SHC3: variants seen among roughly 807,000 people sequenced by gnomAD.
SHC3 encodes the protein SHC-transforming protein 3.
SHC3 carries 15 observed loss-of-function variants against 60.4 expected under a neutral mutation model. The observed-to-expected ratio is 0.25, with a 90% CI of 0.17 to 0.38. SHC3 has a LOEUF of 0.38. Among genes scored for constraint, SHC3 ranks in the 10% least tolerant of loss-of-function variants. SHC3 has a pLI of 1.00. For synonymous variants in SHC3, 294 were observed against 325.9 expected (o/e 0.90, Z 1.05); for missense variants, 677 against 786.1 (o/e 0.86, Z 1.66).
intron 2 of SHC3, chr9:89,109,515 G>C: frequency 1.0e-6 from 1 of 985,514 alleles, no homozygotes; most frequent in Non-Finnish European, 1.2e-6. Flanking sequence ...TTTATAGAAT[G>C]TTGGAAGCCA....
chr9:89,021,788 G>A (rs575639776), intron 11 of SHC3, among the ~76,000 whole-genome samples: 13 of 152,228 alleles, frequency 8.5e-5, no homozygotes, highest in Middle Eastern at 3.4e-3. Context: ...CCTCTAAGAC[G>A]TTTCTTTTTT....
chr9:89,167,533 C>T (rs1449328085), intron 1 of SHC3, among the ~76,000 whole-genome samples: 1 of 152,180 alleles, frequency 6.6e-6, no homozygotes, highest in African/African-American at 2.4e-5. Flanking sequence ...GAATCAGGGG[C>T]ACCTGCCAGG....
intron 9 of SHC3, among the ~76,000 whole-genome samples, chr9:89,044,138 G>A (rs1418793552): frequency 4.6e-5 from 7 of 152,188 alleles, no homozygotes; most frequent in Non-Finnish European, 4.4e-5. Flanking sequence ...ATATCTAAGG[G>A]AAATAATGTG....
chr9:89,057,021 T>C (rs1824963457), intron 6 of SHC3, among the ~76,000 whole-genome samples: 2 of 152,244 alleles, frequency 1.3e-5, no homozygotes, highest in African/African-American at 4.8e-5. Context: ...CAGTGGCTGC[T>C]GATCCAGACA....
chr9:89,055,587 C>A (rs1438415976), intron 6 of SHC3, among the ~76,000 whole-genome samples: 1 of 152,216 alleles, frequency 6.6e-6, no homozygotes, highest in Non-Finnish European at 1.5e-5. Flanking sequence ...CAAGGCCTTT[C>A]CCACAATCTG....
intron 1 of SHC3, among the ~76,000 whole-genome samples, chr9:89,138,783 C>G (rs1234521832): frequency 3.3e-5 from 5 of 152,110 alleles, no homozygotes; most frequent in African/African-American, 1.2e-4. Context: ...TCTTCTGTAA[C>G]TTCTTCAGGA....
intron 11 of SHC3, among the ~76,000 whole-genome samples, chr9:89,027,931 G>A (rs1401364929): frequency 6.6e-6 from 1 of 152,184 alleles, no homozygotes; most frequent in Non-Finnish European, 1.5e-5. Flanking sequence ...AACTGAGCCT[G>A]CAGCTCCCGC....
At chr9:89,123,684 T>C (rs1179301988) in intron 1 of SHC3, among the ~76,000 whole-genome samples, 2 of 152,154 alleles carry the variant, frequency 1.3e-5, no homozygotes, top group East Asian at 3.9e-4. Flanking sequence ...CTATACATCA[T>C]TCCGTCCTCC....
At chr9:89,127,798 A>G (rs1307529810) in intron 1 of SHC3, among the ~76,000 whole-genome samples, 1 of 150,618 alleles carries the variant, frequency 6.6e-6, no homozygotes, top group Non-Finnish European at 1.5e-5. Flanking sequence ...CACCACTGAG[A>G]AATAAAACTC....
At chr9:89,170,486 A>G (rs922847833) in intron 1 of SHC3, among the ~76,000 whole-genome samples, 12 of 152,328 alleles carry the variant, frequency 7.9e-5, no homozygotes, top group Admixed American at 3.3e-4. Flanking sequence ...TCTCTACAAA[A>G]AGTAAAACAA....
Position 89,027,327 on chromosome 9 carries a change from A to ATTTTTTTTTTTTTTTTTTTTTTTTTT in SHC3, c.1656+10665_1656+10666insAAAAAAAAAAAAAAAAAAAAAAAAAA, listed in dbSNP as rs540788767. Among the ~76,000 whole-genome samples the ATTTTTTTTTTTTTTTTTTTTTTTTTT allele has an allele frequency of 1.5e-5, 2 of 130,350 alleles. 1 individual carries two copies. Among genetic ancestry groups the ATTTTTTTTTTTTTTTTTTTTTTTTTT allele is most frequent in the Non-Finnish European group, 3.2e-5 (2 of 62,606 alleles). 85.5% of individuals were successfully genotyped at this position (130,350 alleles called of 152,430 possible). On this transcript the variant is annotated intron_variant, in intron 11 of 11. Coordinates refer to ENST00000375835, the MANE Select transcript of SHC3 (RefSeq NM_016848.6). ...ACAACTAGTGATGGGTGAAATTCTG[A>ATTTTTTTTTTTTTTTTTTTTTTTTTT]TTTTTTTTTTTTGAGACTGAGTCTC...
At chr9:89,167,701 A>G (rs1239898041) in intron 1 of SHC3, among the ~76,000 whole-genome samples, 1 of 152,250 alleles carries the variant, frequency 6.6e-6, no homozygotes, top group African/African-American at 2.4e-5. Context: ...ATGCACGAGT[A>G]TACTTTTTAG....
chr9:89,170,676 A>G (rs544018778), intron 1 of SHC3, among the ~76,000 whole-genome samples: 2 of 152,338 alleles, frequency 1.3e-5, no homozygotes, highest in East Asian at 3.9e-4. Flanking sequence ...CTAGGGAATA[A>G]TGGAATACAG....
At chr9:89,016,640 T>G (rs756147618) in intron 11 of SHC3, among the ~76,000 whole-genome samples, 2 of 152,206 alleles carry the variant, frequency 1.3e-5, no homozygotes, top group Non-Finnish European at 2.9e-5. Flanking sequence ...TCTCAGAAGA[T>G]AGAATCAGAG....
chr9:89,109,103 G>A, intron 2 of SHC3: 3 of 985,514 alleles, frequency 3.0e-6, no homozygotes, highest in African/African-American at 1.7e-5. Flanking sequence ...CTCAGCCTGG[G>A]CCAGGTCCTG....
At chr9:89,142,332 G>T (rs529528979) in intron 1 of SHC3, among the ~76,000 whole-genome samples, 1 of 152,306 alleles carries the variant, frequency 6.6e-6, no homozygotes, top group Admixed American at 6.5e-5. Flanking sequence ...GGCCAAGGCA[G>T]GTGGATCACT....
intron 1 of SHC3, among the ~76,000 whole-genome samples, chr9:89,174,771 A>G (rs978275183): frequency 6.6e-6 from 1 of 152,232 alleles, no homozygotes; most frequent in Non-Finnish European, 1.5e-5. Context: ...TCCAGCAGGC[A>G]GTTTCAGAGC....
intron 11 of SHC3, among the ~76,000 whole-genome samples, chr9:89,027,840 G>A (rs989859604): frequency 6.6e-6 from 1 of 152,126 alleles, no homozygotes; most frequent in African/African-American, 2.4e-5. Context: ...TGCATGGCAG[G>A]GGAGTCTTGC....
At position 89,077,824 on chromosome 9, in the gene SHC3, G is replaced by A; in HGVS notation, c.609+16C>T. The stretch of plus-strand genomic sequence containing the variant: ...TAGAGGAGACACAGTTAGACACAGA[G>A]CATTGAGGACAGTACCTTTCTCTTC... On this transcript the variant is annotated intron_variant, in intron 3 of 11. Coordinates refer to ENST00000375835, the MANE Select transcript of SHC3 (RefSeq NM_016848.6). 1 of 1,614,112 alleles carries A rather than the reference G, an allele frequency of 6.2e-7. No individual in the cohort carries two copies. The highest frequency in any genetic ancestry group is 8.5e-7 in the Non-Finnish European group (1 of 1,179,948).
Sources: gnomAD v4.1 joint callset for allele counts (sites outside exome capture counted in the v4.1 genomes callset) on GRCh38, gnomAD v4.1.1 for gene constraint, MANE v1.5 for transcripts, NCBI Gene and HGNC (gene_info 2026-07-23, HGNC 2026-07-21) for gene names.